Variants in PUM3 observed in about 807,000 individuals in gnomAD.
The protein encoded by PUM3 is pumilio RNA binding family member 3, also known as pumilio homolog 3.
Under a neutral mutation model 84.0 loss-of-function variants are expected in PUM3, and 91 were observed. The ratio of observed to expected loss-of-function variants is 1.08; its 90% CI spans 0.91 to 1.29. PUM3 has a LOEUF of 1.29. PUM3 is among the 50% of genes most tolerant of loss of function. The pLI, the probability that PUM3 is intolerant of heterozygous loss-of-function variation, is 0.00. For synonymous variants in PUM3, 321 were observed against 266.7 expected (o/e 1.20, Z -1.98); for missense variants, 1,067 against 767.5 (o/e 1.39, Z -4.61).
In PUM3 at chr9:2,811,421, G is replaced by A. The variant is rs1821368578; in HGVS notation, c.1575C>T (p.Thr525=). The A allele has an allele frequency of 6.2e-7, 1 of 1,614,034 alleles. No individual in the cohort carries two copies. Among genetic ancestry groups the A allele is most frequent in the Admixed American group, 1.7e-5 (1 of 59,996 alleles). The change falls in exon 15 of 18, where the codon ACC becomes ACT. Residue 525 remains threonine, a synonymous_variant. Coordinates refer to ENST00000397885, the MANE Select transcript of PUM3 (RefSeq NM_014878.5). ...LGSATGDVQP[T]MNAIASLAAT... Reference sequence around the variant, plus strand: ...CTGCCAAGCTGGCGATGGCATTCATGGTAGGCTGAACGTCTCCAGTGGCAG... The same window carrying A: ...CTGCCAAGCTGGCGATGGCATTCATAGTAGGCTGAACGTCTCCAGTGGCAG...
intron 16 of PUM3, among the ~76,000 whole-genome samples, chr9:2,809,527 T>C (rs1302776054): frequency 2.6e-5 from 4 of 152,186 alleles, no homozygotes; most frequent in African/African-American, 4.8e-5. Flanking sequence ...AAGTGACAGC[T>C]CTACTGCTAT....
chr9:2,816,141 T>G (rs10968327), intron 13 of PUM3, among the ~76,000 whole-genome samples: 16,493 of 152,258 alleles, frequency 0.11, 1,684 homozygotes, highest in African/African-American at 0.27. Context: ...TGGTGTCCAC[T>G]CTTACGGTAG....
Position 2,810,412 on chromosome 9 carries a change from G to C in PUM3, c.1655C>G (p.Pro552Arg), listed in dbSNP as rs753488822. The C allele has an allele frequency of 3.1e-6, 5 of 1,610,514 alleles. No individual in the cohort carries two copies. Among genetic ancestry groups the C allele is most frequent in the Non-Finnish European group, 3.4e-6 (4 of 1,178,164 alleles). ...KDGELHIAEHPAGHLVLKWLI... is the reference protein window; with the variant it reads ...KDGELHIAEHRAGHLVLKWLI... ...CCACTTCAGAACTAGATGTCCTGCA[G>C]GATGTTCTGCAATGTGAAGCTATGA... is the stretch of plus-strand genomic sequence containing the variant. The change falls in exon 16 of 18, where the codon CCT becomes CGT. Residue 552 changes from proline to arginine, a missense_variant. Transcript: ENST00000397885.
chr9:2,836,764 T>G (rs1446125133), intron 3 of PUM3, among the ~76,000 whole-genome samples: 1 of 152,112 alleles, frequency 6.6e-6, no homozygotes, highest in Non-Finnish European at 1.5e-5. Flanking sequence ...CCAGATTCTA[T>G]GATTAGTTGG....
chr9:2,808,490 C>T (rs1462108664), intron 16 of PUM3, among the ~76,000 whole-genome samples: 2 of 152,178 alleles, frequency 1.3e-5, no homozygotes, highest in African/African-American at 4.8e-5. Context: ...TTATCTTTTT[C>T]ACTTTGCAAT....
chr9:2,835,051 C>T (rs865949695), intron 3 of PUM3, among the ~76,000 whole-genome samples: 13 of 150,544 alleles, frequency 8.6e-5, no homozygotes, highest in African/African-American at 3.2e-4. Flanking sequence ...CCTGTAAAAC[C>T]AAAACCTAGC....
At chr9:2,822,256 G>A (rs1185570952) in intron 12 of PUM3, among the ~76,000 whole-genome samples, 1 of 152,072 alleles carries the variant, frequency 6.6e-6, no homozygotes. Flanking sequence ...CAACTACTTT[G>A]ATCTAATTGA....
Position 2,827,074 on chromosome 9 carries a change from G to T in PUM3, c.1034C>A (p.Ser345Ter), listed in dbSNP as rs201465000. ...FFTYAPPKLR[S>*]EMIEAIREAV... ...TAAAAACAAAAACCAAGAACTTACTGATCTGAGTTTGGGGGGTGCATAGGT... is the reference window on the plus strand; with the variant it reads ...TAAAAACAAAAACCAAGAACTTACTTATCTGAGTTTGGGGGGTGCATAGGT... Residue 345 changes from serine to a stop codon, truncating the protein, a stop_gained and splice_region_variant, in exon 10 of 18, where the codon TCA becomes TAA. Coordinates refer to ENST00000397885, the MANE Select transcript of PUM3 (RefSeq NM_014878.5). LOFTEE classifies it high-confidence loss of function. 6.2e-7 allele frequency: 1 copy of T among 1,605,660 alleles called. No individual in the cohort carries two copies. The highest frequency in any genetic ancestry group is 8.5e-7 in the Non-Finnish European group (1 of 1,176,714).
At chr9:2,837,639 C>T (rs1313089582) in intron 2 of PUM3, among the ~76,000 whole-genome samples, 6 of 152,032 alleles carry the variant, frequency 3.9e-5, no homozygotes, top group Non-Finnish European at 4.4e-5. Flanking sequence ...ATAAAAGCTA[C>T]CCATGATTCT....
intron 10 of PUM3, among the ~76,000 whole-genome samples, chr9:2,825,515 C>G (rs1244712176): frequency 6.6e-6 from 1 of 151,748 alleles, no homozygotes. Flanking sequence ...CGGAGTCTTG[C>G]TCTGTCACCC....
At position 2,813,214 on chromosome 9, in the gene PUM3, C is replaced by A. The variant is rs567606010; in HGVS notation, c.1270-852G>T. On this transcript the variant is annotated intron_variant, in intron 13 of 17. Transcript: ENST00000397885. ...GTTCGAATTTAAGGGACAAAAGCAA[C>A]GTCATCCCCACCCTAACTAAACTCC... Among the ~76,000 whole-genome samples, 3 of 152,308 alleles carry A rather than the reference C, an allele frequency of 2.0e-5. 1 individual carries two copies. The South Asian group carries it at 6.2e-4, about 32-fold the overall frequency.
intron 13 of PUM3, among the ~76,000 whole-genome samples, chr9:2,816,483 A>C (rs1821472039): frequency 6.6e-6 from 1 of 152,246 alleles, no homozygotes; most frequent in Non-Finnish European, 1.5e-5. Flanking sequence ...TGTATCCTTC[A>C]AAATGGTTAA....
At chr9:2,832,918 T>G (rs1438717374) in intron 5 of PUM3, among the ~76,000 whole-genome samples, 4 of 152,196 alleles carry the variant, frequency 2.6e-5, no homozygotes, top group Non-Finnish European at 5.9e-5. Context: ...AATTCTGAAA[T>G]GATTATATTT....
chr9:2,824,919 G>A, intron 10 of PUM3, 104 bp from the exon 11 acceptor site: 1 of 605,958 alleles, frequency 1.7e-6, no homozygotes, highest in Non-Finnish European at 2.5e-6. Context: ...AGAAGGAAAG[G>A]AAGAGAGTGC....
chr9:2,810,819 G>A (rs552777468), intron 15 of PUM3, among the ~76,000 whole-genome samples: 2 of 152,168 alleles, frequency 1.3e-5, no homozygotes, highest in Non-Finnish European at 2.9e-5. Flanking sequence ...AAAACCCAAT[G>A]CTGCATGCTG....
At chr9:2,831,648 A>T (rs892438644) in intron 5 of PUM3, among the ~76,000 whole-genome samples, 4 of 152,160 alleles carry the variant, frequency 2.6e-5, no homozygotes, top group African/African-American at 9.7e-5. Context: ...GATTATACAG[A>T]CTATACTTCT....
chr9:2,828,512 T>C, intron 9 of PUM3, 163 bp downstream of exon 9: 2 of 569,406 alleles, frequency 3.5e-6, no homozygotes, highest in South Asian at 2.3e-5. Flanking sequence ...AGAAATCTCC[T>C]TTTGCACCAA....
At chr9:2,829,125 G>C (rs1331595021) in intron 8 of PUM3, among the ~76,000 whole-genome samples, 2 of 152,126 alleles carry the variant, frequency 1.3e-5, no homozygotes, top group Admixed American at 1.3e-4. Flanking sequence ...TAAATATAAC[G>C]AACTGTTAAC....
At chr9:2,840,893 G>C (rs1249529134) in intron 1 of PUM3, among the ~76,000 whole-genome samples, 4 of 152,220 alleles carry the variant, frequency 2.6e-5, no homozygotes, top group African/African-American at 7.2e-5. Flanking sequence ...CTGAGTGCTA[G>C]GCGCACTTGT....
Sources: gnomAD v4.1 joint callset for allele counts (sites outside exome capture counted in the v4.1 genomes callset) on GRCh38, gnomAD v4.1.1 for gene constraint, MANE v1.5 for transcripts, NCBI Gene and HGNC (gene_info 2026-07-23, HGNC 2026-07-21) for gene names.